DROSHA: variants seen among roughly 807,000 people sequenced by gnomAD.
DROSHA encodes drosha ribonuclease III.
A neutral mutation model predicts 181.9 loss-of-function variants in DROSHA; 56 were observed. The observed-to-expected ratio is 0.31, with a 90% confidence interval of 0.25 to 0.38. The LOEUF (loss-of-function observed/expected upper bound fraction) is 0.38, where lower values mean the gene tolerates loss of function less well. Among genes scored for constraint, DROSHA ranks in the 10% least tolerant of loss-of-function variants. The probability of loss-of-function intolerance (pLI) is 1.00; values close to 1 mark genes in which losing one functional copy is unlikely to be tolerated. For synonymous variants in DROSHA, 524 were observed against 591.2 expected, an observed-to-expected ratio of 0.89 and a Z score of 1.65; for missense variants, 1,218 against 1,743.5, an observed-to-expected ratio of 0.70 and a Z score of 5.37.
In DROSHA at chr5:31,484,864, T is replaced by C; in HGVS notation, c.1996+17A>G. 6.7e-7 allele frequency: 1 copy of C among 1,500,462 alleles called. No homozygotes were observed. The highest frequency in any genetic ancestry group is 9.0e-7 in the Non-Finnish European group (1 of 1,107,348). 92.9% of individuals were successfully genotyped at this position (1,500,462 alleles called of 1,614,324 possible). On this transcript the variant is annotated intron_variant, in intron 15 of 35. Coordinates refer to ENST00000344624, the MANE Select transcript of DROSHA (RefSeq NM_001382508.1). ...CTTCCATAAACACTACTCTCTTCTT[T>C]AAATCCTATTACTTACCTTTAAGAT...
At chr5:31,423,042 C>T in intron 28 of DROSHA, 98 bp from the exon 29 acceptor site, 1 of 1,215,206 alleles carries the variant, frequency 8.2e-7, no homozygotes. Context: ...TTCCTTCTCC[C>T]ATGAGCAGAA....
chr5:31,480,440 T>C (rs1246193811), intron 16 of DROSHA, among the ~76,000 whole-genome samples: 5 of 151,928 alleles, frequency 3.3e-5, no homozygotes. Context: ...CGGTTACCCT[T>C]GAGGGTCTCA....
At chr5:31,453,612 T>A (rs1311381068) in intron 20 of DROSHA, among the ~76,000 whole-genome samples, 2 of 152,202 alleles carry the variant, frequency 1.3e-5, no homozygotes, top group African/African-American at 4.8e-5. Flanking sequence ...GCTTTCCACA[T>A]CTTGTTTTAG....
chr5:31,448,574 AG>A lies in DROSHA; in HGVS notation c.2854del (p.Gly953AlafsTer27). ...INTLINIMSR[L>X]GQDDPTPSRI... ...CGAGGGAGTTGGGTCATCTTGGCCA[AG>A]GCGTGACATGATATTTATCAAGGTG... On this transcript the variant is annotated frameshift_variant, in exon 23 of 36. Transcript: ENST00000344624. LOFTEE classifies it high-confidence loss of function. The A allele has an allele frequency of 6.2e-7, 1 of 1,613,776 alleles. No homozygotes were observed. The highest frequency in any genetic ancestry group is 8.5e-7 in the Non-Finnish European group (1 of 1,179,750).
intron 13 of DROSHA, among the ~76,000 whole-genome samples, chr5:31,491,990 C>T (rs1212556098): frequency 6.6e-5 from 10 of 152,086 alleles, no homozygotes; most frequent in African/African-American, 1.9e-4. Context: ...GACGGGGTTT[C>T]GCCATGTTGG....
chr5:31,519,995 G>A (rs2150059882), intron 6 of DROSHA, among the ~76,000 whole-genome samples: 1 of 152,096 alleles, frequency 6.6e-6, no homozygotes, highest in South Asian at 2.1e-4. Flanking sequence ...TTTTCCCTTG[G>A]TTAGGTTTTG....
intron 20 of DROSHA, among the ~76,000 whole-genome samples, chr5:31,456,074 G>C (rs940064049): frequency 1.3e-5 from 2 of 152,258 alleles, no homozygotes; most frequent in East Asian, 3.9e-4. Flanking sequence ...AAGGCCACAG[G>C]CAAACTGTGA....
At position 31,515,049 on chromosome 5, in the gene DROSHA, G is replaced by A. The variant is rs1739120924; in HGVS notation, c.1229C>T (p.Pro410Leu). The change falls in exon 8 of 36, where the codon CCT becomes CTT. Residue 410 changes from proline (P) to leucine (L), a missense_variant. Pro to Leu is a moderately conservative substitution (Grantham distance 98). Transcript: ENST00000344624. ...NEEEEEELLKPVWIRCTHSEN... is the reference protein window; with the variant it reads ...NEEEEEELLKLVWIRCTHSEN... ...TGAATGAGTGCATCGAATCCACACA[G>A]GCTTAAGAAGTTCTTCTTCTTCCTC... 5.6e-6 allele frequency: 9 copies of A among 1,613,858 alleles called. No individual in the cohort carries two copies. The highest frequency in any genetic ancestry group is 1.1e-5 in the South Asian group (1 of 91,070).
rs1256449594 is a variant in DROSHA at position 31,421,365 on chromosome 5, C to T, written c.3432G>A (p.Gln1144=). 6.2e-7 allele frequency: 1 copy of T among 1,612,598 alleles called. No homozygotes were observed. Among genetic ancestry groups the T allele is most frequent in the African/African-American group, 1.3e-5 (1 of 74,884 alleles). Reference sequence around the variant, plus strand: ...TGGAGTCACCTAGGAATTCCATTCTCTGATTGTGGCCTCTGGAAAAAGAAA... The same window carrying T: ...TGGAGTCACCTAGGAATTCCATTCTTTGATTGTGGCCTCTGGAAAAAGAAA... The part of the protein sequence containing the change: ...GFNHLTLGHN[Q]RMEFLGDSIM... The change falls in exon 30 of 36, where the codon CAG becomes CAA. Residue 1144 remains glutamine, a synonymous_variant. Coordinates refer to ENST00000344624, the MANE Select transcript of DROSHA (RefSeq NM_001382508.1).
At chr5:31,503,926 T>A (rs559566856) in intron 11 of DROSHA, among the ~76,000 whole-genome samples, 2 of 152,358 alleles carry the variant, frequency 1.3e-5, no homozygotes, top group African/African-American at 4.8e-5. Flanking sequence ...GTTTTACATA[T>A]ACTATGTTTA....
intron 10 of DROSHA, among the ~76,000 whole-genome samples, chr5:31,504,917 T>C (rs1737727308): frequency 6.6e-6 from 1 of 152,240 alleles, no homozygotes; most frequent in African/African-American, 2.4e-5. Flanking sequence ...CATCTTCTTC[T>C]ACCAATTCCC....
Position 31,434,724 on chromosome 5 carries a change from A to G in DROSHA, c.3042+1041T>C, listed in dbSNP as rs544838358. Among the ~76,000 whole-genome samples, 22 of 152,342 alleles carry G rather than the reference A, an allele frequency of 1.4e-4. 1 individual carries two copies. In the South Asian group the frequency reaches 3.3e-3, roughly 23 times the overall value. ...TCTATCAAAATCAAACTTTCATATC[A>G]AAATGAAGAAAAGATACAAATTACT... On this transcript the variant is annotated intron_variant, in intron 25 of 35. Transcript: ENST00000344624.
intron 18 of DROSHA, chr5:31,466,559 AG>A: frequency 3.8e-6 from 1 of 261,102 alleles, no homozygotes; most frequent in Non-Finnish European, 7.3e-6. Context: ...AGAATTCCAA[AG>A]ACACAAAAAC....
chr5:31,521,876 C>T (rs768387026), intron 5 of DROSHA, among the ~76,000 whole-genome samples: 2 of 152,040 alleles, frequency 1.3e-5, no homozygotes, highest in Non-Finnish European at 2.9e-5. Context: ...AGCTTTTGAG[C>T]CTATTTAACA....
At chr5:31,472,961 G>A (rs1233281727) in intron 16 of DROSHA, among the ~76,000 whole-genome samples, 1 of 152,220 alleles carries the variant, frequency 6.6e-6, no homozygotes, top group South Asian at 2.1e-4. Context: ...CTTCATTTGG[G>A]CATTAATGTG....
intron 12 of DROSHA, 48 bp from the exon 13 acceptor site, chr5:31,493,341 G>C (rs1487391938): frequency 1.3e-6 from 2 of 1,507,486 alleles, no homozygotes; most frequent in Non-Finnish European, 1.8e-6. Flanking sequence ...AATGACATGA[G>C]TTGCATATGC....
intron 19 of DROSHA, among the ~76,000 whole-genome samples, chr5:31,464,600 T>C (rs1748800233): frequency 1.3e-5 from 2 of 149,862 alleles, no homozygotes; most frequent in South Asian, 4.4e-4. Flanking sequence ...TCTGGTATTT[T>C]TGAACAAAAT....
chr5:31,516,290 T>A (rs1483146908), intron 6 of DROSHA, among the ~76,000 whole-genome samples: 1 of 152,160 alleles, frequency 6.6e-6, no homozygotes, highest in African/African-American at 2.4e-5. Flanking sequence ...CAGGGTAGAT[T>A]TTAATTTAAG....
At chr5:31,412,828 T>C (rs561523888) in intron 30 of DROSHA, among the ~76,000 whole-genome samples, 1 of 152,172 alleles carries the variant, frequency 6.6e-6, no homozygotes, top group Non-Finnish European at 1.5e-5. Context: ...TATGGAATAA[T>C]TGAGCTGAAA....
Sources: gnomAD v4.1 joint callset for allele counts (sites outside exome capture counted in the v4.1 genomes callset) on GRCh38, gnomAD v4.1.1 for gene constraint, MANE v1.5 for transcripts, NCBI Gene and HGNC (gene_info 2026-07-23, HGNC 2026-07-21) for gene names.